Variants in EFCAB12 observed in about 807,000 individuals in gnomAD.
The protein encoded by EFCAB12 is EF-hand calcium-binding domain-containing protein 12.
EFCAB12 carries 43 observed loss-of-function variants against 53.6 expected under a neutral mutation model. The ratio of observed to expected loss-of-function variants is 0.80; its 90% CI spans 0.63 to 1.03. The LOEUF (loss-of-function observed/expected upper bound fraction) is 1.03, where lower values mean the gene tolerates loss of function less well. Among genes scored for constraint, EFCAB12 ranks in the 50% least tolerant of loss-of-function variants. The probability of loss-of-function intolerance (pLI) is 0.00; values close to 1 mark genes in which losing one functional copy is unlikely to be tolerated. For synonymous variants in EFCAB12, 269 were observed against 289.2 expected (o/e 0.93, Z 0.71); for missense variants, 646 against 730.6 (o/e 0.88, Z 1.34).
At chr3:129,426,845 CTT>C (rs1171276318) in intron 1 of EFCAB12, among the ~76,000 whole-genome samples, 8 of 105,032 alleles carry the variant, frequency 7.6e-5, no homozygotes, top group Non-Finnish European at 7.4e-5. Flanking sequence ...CCTAGCTAAC[CTT>C]TTTTTTTTTT....
At chr3:129,423,586 C>T (rs1050814461) in intron 1 of EFCAB12, among the ~76,000 whole-genome samples, 30 of 151,852 alleles carry the variant, frequency 2.0e-4, no homozygotes, top group Non-Finnish European at 1.0e-4. Flanking sequence ...TGAGATTACC[C>T]GCATTGTAAT....
At chr3:129,424,328 G>A (rs143977151) in intron 1 of EFCAB12, among the ~76,000 whole-genome samples, 55 of 152,342 alleles carry the variant, frequency 3.6e-4, no homozygotes, top group Middle Eastern at 3.4e-3. Flanking sequence ...ATTGTTGGAG[G>A]AGGGGTCTAG....
chr3:129,404,214 G>A, intron 7 of EFCAB12, 36 bp downstream of exon 7: 1 of 1,598,234 alleles, frequency 6.3e-7, no homozygotes. Context: ...TGGAGCAGGA[G>A]GCCAAGGCAG....
chr3:129,410,771 G>A (rs2072026526), intron 5 of EFCAB12, among the ~76,000 whole-genome samples: 1 of 152,168 alleles, frequency 6.6e-6, no homozygotes, highest in African/African-American at 2.4e-5. Context: ...AATGTTTACT[G>A]GACAAGCTAA....
In EFCAB12 at chr3:129,408,718, A is replaced by C. The variant is rs556582674; in HGVS notation, c.1176T>G (p.Phe392Leu). 6.3e-7 allele frequency: 1 copy of C among 1,588,002 alleles called. No individual in the cohort carries two copies. Among genetic ancestry groups the C allele is most frequent in the Non-Finnish European group, 8.6e-7 (1 of 1,166,188 alleles). The change falls in exon 6 of 9, where the codon TTT becomes TTG. Residue 392 changes from phenylalanine to leucine, a missense_variant. Coordinates refer to ENST00000505956, the MANE Select transcript of EFCAB12 (RefSeq NM_207307.3). ...GCTTCCAGCATTGCAGGTAGACCAGAAAGTTGTGCCTGCGGGCCGAGTCAA... is the reference window on the plus strand; with the variant it reads ...GCTTCCAGCATTGCAGGTAGACCAGCAAGTTGTGCCTGCGGGCCGAGTCAA... The part of the protein sequence containing the change: ...ELIDSARRHN[F>L]LVYLQCWKLC...
chr3:129,413,234 C>T (rs1241131386), intron 4 of EFCAB12: 2 of 152,300 alleles, frequency 1.3e-5, no homozygotes, highest in African/African-American at 4.8e-5. Context: ...GGAGCACCGT[C>T]ATCTGGGACA....
chr3:129,406,635 T>G (rs1418194536), intron 6 of EFCAB12, among the ~76,000 whole-genome samples: 3 of 152,066 alleles, frequency 2.0e-5, no homozygotes, highest in African/African-American at 7.2e-5. Flanking sequence ...CCTGAGTAGC[T>G]GAGATTACAG....
At chr3:129,409,700 T>G (rs2072005784) in intron 5 of EFCAB12, among the ~76,000 whole-genome samples, 1 of 152,196 alleles carries the variant, frequency 6.6e-6, no homozygotes, top group Non-Finnish European at 1.5e-5. Flanking sequence ...AAAGTTTTGT[T>G]GGAGCACAGC....
chr3:129,407,003 G>T (rs927510437), intron 6 of EFCAB12, among the ~76,000 whole-genome samples: 2 of 152,094 alleles, frequency 1.3e-5, no homozygotes, highest in Admixed American at 1.3e-4. Flanking sequence ...TGGGATTACT[G>T]GGGTGAACCA....
intron 1 of EFCAB12, among the ~76,000 whole-genome samples, chr3:129,422,642 C>T (rs2072204169): frequency 6.6e-6 from 1 of 152,180 alleles, no homozygotes; most frequent in Admixed American, 6.5e-5. Context: ...CTGCACTTTC[C>T]TTCAGACCAC....
chr3:129,402,172 G>A (rs1376864979), intron 8 of EFCAB12, among the ~76,000 whole-genome samples: 1 of 152,194 alleles, frequency 6.6e-6, no homozygotes, highest in Non-Finnish European at 1.5e-5. Context: ...TGTGGTGTTT[G>A]GAGTACGGCC....
At chr3:129,416,712 T>C (rs1254076931) in intron 3 of EFCAB12, among the ~76,000 whole-genome samples, 1 of 152,156 alleles carries the variant, frequency 6.6e-6, no homozygotes, top group African/African-American at 2.4e-5. Context: ...TGTAGTGGTG[T>C]GATCATAGCT....
intron 3 of EFCAB12, among the ~76,000 whole-genome samples, chr3:129,417,146 G>A (rs2072124985): frequency 6.6e-6 from 1 of 151,726 alleles, no homozygotes; most frequent in African/African-American, 2.4e-5. Context: ...CCAACATGGT[G>A]AAACCCCTTC....
At chr3:129,421,300 A>G (rs1274263652) in intron 2 of EFCAB12, 67 bp downstream of exon 2, 79 of 1,475,098 alleles carry the variant, frequency 5.4e-5, no homozygotes, top group Non-Finnish European at 6.7e-5. Context: ...AGCCTAACCC[A>G]AGGGAATAAA....
At chr3:129,406,827 G>C (rs552156948) in intron 6 of EFCAB12, among the ~76,000 whole-genome samples, 1 of 150,250 alleles carries the variant, frequency 6.7e-6, no homozygotes, top group African/African-American at 2.5e-5. Context: ...GGAGGGGGGA[G>C]ATAAAAAAGG....
intron 6 of EFCAB12, among the ~76,000 whole-genome samples, chr3:129,407,832 T>A (rs765426048): frequency 1.3e-5 from 2 of 152,196 alleles, no homozygotes; most frequent in Non-Finnish European, 2.9e-5. Context: ...GAGAATTGCT[T>A]GAACCTGGGA....
At chr3:129,403,846 G>A (rs1200539328) in intron 7 of EFCAB12, 1 of 156,470 alleles carries the variant, frequency 6.4e-6, no homozygotes, top group African/African-American at 2.4e-5. Flanking sequence ...CAGAGAAGGG[G>A]TGTGGCCGCT....
At chr3:129,403,244 A>T (rs1559782306) in intron 7 of EFCAB12, 1 of 152,680 alleles carries the variant, frequency 6.5e-6, no homozygotes, top group Non-Finnish European at 1.5e-5. Flanking sequence ...GCCAGGACCC[A>T]CCTGCAGGCC....
At chr3:129,403,243 C>A (rs1396371230) in intron 7 of EFCAB12, 1 of 152,850 alleles carries the variant, frequency 6.5e-6, no homozygotes, top group East Asian at 1.9e-4. Flanking sequence ...GGCCAGGACC[C>A]ACCTGCAGGC....
Sources: allele counts gnomAD v4.1 joint callset (sites outside exome capture counted in the v4.1 genomes callset), GRCh38; gene constraint gnomAD v4.1.1; transcripts MANE v1.5; gene names NCBI Gene and HGNC (gene_info 2026-07-23, HGNC 2026-07-21).